LMX1A: variants seen among roughly 807,000 people sequenced by gnomAD.
LMX1A encodes the protein LIM homeobox transcription factor 1-alpha.
A neutral mutation model predicts 49.1 loss-of-function variants in LMX1A; 15 were observed. The observed-to-expected ratio is 0.31, with a 90% CI of 0.20 to 0.47. The LOEUF is 0.47. LMX1A is among the 20% of genes least tolerant of loss of function. The pLI, the probability that LMX1A is intolerant of heterozygous loss-of-function variation, is 1.00. For synonymous variants in LMX1A, 167 were observed against 185.7 expected (o/e 0.90, Z 0.82); for missense variants, 372 against 475.8 (o/e 0.78, Z 2.03).
At chr1:165,341,244 C>T (rs1035032867) in intron 3 of LMX1A, among the ~76,000 whole-genome samples, 1 of 152,178 alleles carries the variant, frequency 6.6e-6, no homozygotes, top group Non-Finnish European at 1.5e-5. Flanking sequence ...GATGTTGTGG[C>T]ACCACCATGT....
At chr1:165,226,861 TC>T (rs1652054690) in intron 4 of LMX1A, among the ~76,000 whole-genome samples, 1 of 152,212 alleles carries the variant, frequency 6.6e-6, no homozygotes, top group South Asian at 2.1e-4. Flanking sequence ...TCCTCACACT[TC>T]CATCATCATG....
At chr1:165,245,898 T>C (rs2102633814) in intron 4 of LMX1A, among the ~76,000 whole-genome samples, 1 of 152,090 alleles carries the variant, frequency 6.6e-6, no homozygotes, top group Middle Eastern at 3.4e-3. Context: ...CAGCCTTCCC[T>C]GCCAGGTTTG....
chr1:165,337,907 T>TG (rs1553213782), intron 3 of LMX1A, among the ~76,000 whole-genome samples: 6 of 151,514 alleles, frequency 4.0e-5, no homozygotes, highest in African/African-American at 7.3e-5. Context: ...TGTGTGTGTG[T>TG]TACTACCCCA....
rs1656564982 is a variant in LMX1A at position 165,355,165 on chromosome 1, G to T, written c.76+319C>A. On this transcript the variant is annotated intron_variant, in intron 2 of 8. Transcript: ENST00000342310. The surrounding 1 kb of genome is among the most constrained non-coding windows in gnomAD (Gnocchi z 4.7). ...AAGAGGGCGGCATTTATGAGACGTCGATCAGCTCCGAGATTAAAAATCCAG... is the reference window on the plus strand; with the variant it reads ...AAGAGGGCGGCATTTATGAGACGTCTATCAGCTCCGAGATTAAAAATCCAG... 6.6e-6 allele frequency among the ~76,000 whole-genome samples: 1 copy of T among 152,150 alleles called. No individual in the cohort carries two copies.
intron 3 of LMX1A, among the ~76,000 whole-genome samples, chr1:165,310,096 G>C (rs1655032620): frequency 6.6e-6 from 1 of 152,204 alleles, no homozygotes. Context: ...TCATTTCACA[G>C]AGTTTCAGTC....
chr1:165,280,780 A>C (rs1282585741), intron 3 of LMX1A, among the ~76,000 whole-genome samples: 1 of 152,162 alleles, frequency 6.6e-6, no homozygotes, highest in East Asian at 1.9e-4. Context: ...CACAAACAGT[A>C]CTGAACTTTA....
chr1:165,343,926 T>C (rs1018719949), intron 3 of LMX1A, among the ~76,000 whole-genome samples: 3 of 152,200 alleles, frequency 2.0e-5, no homozygotes, highest in African/African-American at 7.2e-5. Context: ...GAATAGAACA[T>C]TATCTTGTCC....
At chr1:165,220,971 G>T (rs954886915) in intron 4 of LMX1A, among the ~76,000 whole-genome samples, 1 of 152,098 alleles carries the variant, frequency 6.6e-6, no homozygotes, top group East Asian at 1.9e-4. Flanking sequence ...TACTTGACAT[G>T]GCATCACTTT....
chr1:165,204,088 C>T lies in LMX1A; in HGVS notation c.989-48G>A, dbSNP rs1421091946. 3.1e-6 allele frequency: 5 copies of T among 1,588,756 alleles called. No individual in the cohort carries two copies. In the East Asian group the frequency reaches 8.9e-5, roughly 28 times the overall value. On this transcript the variant is annotated intron_variant, in intron 8 of 8. Coordinates refer to ENST00000342310, the MANE Select transcript of LMX1A (RefSeq NM_177398.4). The stretch of plus-strand genomic sequence containing the variant: ...GCATGAGGGTCTTGAAGAAGTGACT[C>T]ATTTCAGTGCTAGGATATTCAGCTG...
intron 3 of LMX1A, among the ~76,000 whole-genome samples, chr1:165,275,042 T>C (rs1304647453): frequency 6.6e-6 from 1 of 152,210 alleles, no homozygotes; most frequent in Non-Finnish European, 1.5e-5. Context: ...TTTGGTCTTA[T>C]TTTAATTTTT....
At chr1:165,350,874 G>C (rs187050198) in intron 3 of LMX1A, among the ~76,000 whole-genome samples, 119 of 152,258 alleles carry the variant, frequency 7.8e-4, no homozygotes, top group Non-Finnish European at 1.4e-3. Context: ...GCACCTCTCT[G>C]AACAATGTAG....
At chr1:165,285,298 G>A (rs145813484) in intron 3 of LMX1A, among the ~76,000 whole-genome samples, 152 of 152,280 alleles carry the variant, frequency 1.0e-3, no homozygotes, top group African/African-American at 3.3e-3. Context: ...TTAAGTGTGG[G>A]CCCTGTAGGA....
chr1:165,266,735 G>A (rs1303229535), intron 3 of LMX1A, among the ~76,000 whole-genome samples: 1 of 151,028 alleles, frequency 6.6e-6, no homozygotes, highest in African/African-American at 2.4e-5. Flanking sequence ...CTGAGTAGCT[G>A]GGACTACAGG....
chr1:165,352,170 C>G (rs1319469387), intron 3 of LMX1A, among the ~76,000 whole-genome samples: 1 of 152,242 alleles, frequency 6.6e-6, no homozygotes, highest in Non-Finnish European at 1.5e-5. Context: ...CCGGCACGCC[C>G]GGAGAGAATA....
At chr1:165,247,485 G>A (rs1429524248) in intron 4 of LMX1A, among the ~76,000 whole-genome samples, 2 of 152,174 alleles carry the variant, frequency 1.3e-5, no homozygotes, top group Admixed American at 6.5e-5. Flanking sequence ...TACTCCATAT[G>A]TTAGTGCCAG....
chr1:165,248,706 C>T (rs921980622), intron 4 of LMX1A, among the ~76,000 whole-genome samples: 1 of 152,112 alleles, frequency 6.6e-6, no homozygotes, highest in Non-Finnish European at 1.5e-5. Flanking sequence ...ATCTTTCCCA[C>T]TTGACAAATG....
intron 3 of LMX1A, among the ~76,000 whole-genome samples, chr1:165,311,574 C>CA (rs1234525790): frequency 6.6e-6 from 1 of 152,188 alleles, no homozygotes; most frequent in Non-Finnish European, 1.5e-5. Context: ...ATAGGCATAC[C>CA]ATACCAAGGG....
intron 3 of LMX1A, among the ~76,000 whole-genome samples, chr1:165,308,554 C>G (rs545939986): frequency 3.9e-5 from 6 of 152,210 alleles, no homozygotes; most frequent in African/African-American, 1.4e-4. Flanking sequence ...GTACTGAGCA[C>G]GTACTTGGTG....
chr1:165,266,896 C>G (rs1237713807), intron 3 of LMX1A, among the ~76,000 whole-genome samples: 1 of 148,376 alleles, frequency 6.7e-6, no homozygotes, highest in African/African-American at 2.4e-5. Context: ...CCACTGTGCC[C>G]GGCTTGCTTG....
Sources: allele counts gnomAD v4.1 joint callset (sites outside exome capture counted in the v4.1 genomes callset), GRCh38; gene constraint gnomAD v4.1.1; non-coding constraint Gnocchi (gnomAD v3.1); transcripts MANE v1.5; gene names NCBI Gene and HGNC (gene_info 2026-07-23, HGNC 2026-07-21).